ANXA8: variants seen among roughly 807,000 people sequenced by gnomAD.
The protein encoded by ANXA8 is annexin A8.
In ANXA8, 9 loss-of-function variants were observed where a neutral mutation model predicts 26.8. That is an observed-to-expected ratio of 0.34 (90% confidence interval 0.20 to 0.59). The LOEUF (loss-of-function observed/expected upper bound fraction) is 0.59, where lower values mean the gene tolerates loss of function less well. Ranked by LOEUF, ANXA8 falls within the 20% of genes least tolerant of loss-of-function variation. The pLI is 0.84. For synonymous variants in ANXA8, 39 were observed against 94.8 expected, an observed-to-expected ratio of 0.41 and a Z score of 3.42; for missense variants, 83 against 238.5, an observed-to-expected ratio of 0.35 and a Z score of 4.29.
the ANXA8 span, among the ~76,000 whole-genome samples, chr10:47,939,357 G>T: frequency 7.1e-6 from 1 of 141,326 alleles, no homozygotes; most frequent in African/African-American, 2.8e-5. Flanking sequence ...TGCGATTTGG[G>T]TCCTTGCAAT....
the ANXA8 span, among the ~76,000 whole-genome samples, chr10:47,694,903 T>C: frequency 6.6e-6 from 1 of 151,316 alleles, no homozygotes; most frequent in Non-Finnish European, 1.5e-5. Context: ...AACCACAGTG[T>C]TTAAAGGACA....
chr10:47,740,888 T>A, the ANXA8 span, among the ~76,000 whole-genome samples: 1 of 150,356 alleles, frequency 6.7e-6, no homozygotes, highest in African/African-American at 2.4e-5. Flanking sequence ...ATTGTCAGTT[T>A]ATTGGATAGG....
At chr10:47,596,890 C>T in the ANXA8 span, among the ~76,000 whole-genome samples, 1 of 147,804 alleles carries the variant, frequency 6.8e-6, no homozygotes, top group Non-Finnish European at 1.5e-5. Flanking sequence ...ATGAGAGATT[C>T]TCCTCTAACT....
the ANXA8 span, among the ~76,000 whole-genome samples, chr10:47,652,308 A>G: frequency 1.3e-4 from 20 of 151,876 alleles, 1 homozygote; most frequent in African/African-American, 4.9e-4. Flanking sequence ...CAATTAAAAA[A>G]AAGTATAGGC....
At chr10:47,708,830 CTAAA>C in the ANXA8 span, among the ~76,000 whole-genome samples, 1 of 150,270 alleles carries the variant, frequency 6.7e-6, no homozygotes, top group Non-Finnish European at 1.5e-5. Context: ...TTTTTGGAAT[CTAAA>C]TAACCATGTG....
chr10:47,506,539 G>A, the ANXA8 span, among the ~76,000 whole-genome samples: 6 of 141,040 alleles, frequency 4.3e-5, 1 homozygote, highest in East Asian at 2.9e-4. Context: ...CATGTTGGTC[G>A]GGCTGGTCTC....
chr10:47,670,649 T>C, the ANXA8 span, among the ~76,000 whole-genome samples: 1 of 151,944 alleles, frequency 6.6e-6, no homozygotes, highest in African/African-American at 2.4e-5. Context: ...TTGTTGGCCA[T>C]TTGTATATCT....
the ANXA8 span, among the ~76,000 whole-genome samples, chr10:47,676,099 G>A: frequency 6.6e-6 from 1 of 151,616 alleles, no homozygotes; most frequent in African/African-American, 2.4e-5. Context: ...CATAGCAGAA[G>A]AAAGAATCAG....
the ANXA8 span, among the ~76,000 whole-genome samples, chr10:47,605,893 C>T: frequency 4.3e-5 from 6 of 139,854 alleles, no homozygotes; most frequent in East Asian, 1.2e-3. Flanking sequence ...AAAATAGACA[C>T]TTAAAAAACT....
chr10:47,701,513 GC>G, the ANXA8 span, among the ~76,000 whole-genome samples: 3 of 151,810 alleles, frequency 2.0e-5, no homozygotes, highest in African/African-American at 7.3e-5. Context: ...TATGTACTAT[GC>G]AGCTGTACAA....
the ANXA8 span, among the ~76,000 whole-genome samples, chr10:47,971,062 C>T: frequency 1.3e-5 from 2 of 151,420 alleles, no homozygotes; most frequent in South Asian, 2.1e-4. Context: ...TACTTGCCCT[C>T]TCTGATTCTC....
At chr10:47,566,133 T>A in the ANXA8 span, 1 of 433,872 alleles carries the variant, frequency 2.3e-6, no homozygotes, top group East Asian at 3.6e-5. Flanking sequence ...CAGAAGTAAA[T>A]ATTTCGATTT....
At chr10:47,718,163 A>G in the ANXA8 span, among the ~76,000 whole-genome samples, 2 of 152,286 alleles carry the variant, frequency 1.3e-5, no homozygotes, top group Non-Finnish European at 2.9e-5. Flanking sequence ...TAAAAATCGA[A>G]ATTTTTTTTT....
the ANXA8 span, among the ~76,000 whole-genome samples, chr10:47,669,738 A>C: frequency 9.9e-5 from 15 of 152,066 alleles, no homozygotes; most frequent in African/African-American, 3.4e-4. Flanking sequence ...AAAAAACCCC[A>C]AAAACCTTAT....
At chr10:47,558,155 A>G in the ANXA8 span, among the ~76,000 whole-genome samples, 1 of 152,004 alleles carries the variant, frequency 6.6e-6, no homozygotes, top group African/African-American at 2.4e-5. Context: ...GTTTCTGTTC[A>G]GAATAGAAGG....
In ANXA8 at chr10:47,483,949, G is replaced by A; in HGVS notation, c.-16C>T. The A allele has an allele frequency of 6.2e-7, 1 of 1,611,688 alleles. No homozygotes were observed. Among genetic ancestry groups the A allele is most frequent in the African/African-American group, 1.3e-5 (1 of 74,728 alleles). On this transcript the variant is annotated 5_prime_UTR_variant, in exon 1 of 12. Transcript: ENST00000585281. ...ACCAGGCCATCTCTTTCACCTCGGG[G>A]GCACCTTTCCCAGGGAGATGAAGAG...
the ANXA8 span, among the ~76,000 whole-genome samples, chr10:47,543,883 C>T: frequency 1.4e-5 from 2 of 139,086 alleles, 1 homozygote; most frequent in African/African-American, 5.6e-5. Flanking sequence ...CCATAAGACA[C>T]CAGATGGGAG....
At chr10:47,978,135 A>T in the ANXA8 span, among the ~76,000 whole-genome samples, 1 of 152,236 alleles carries the variant, frequency 6.6e-6, no homozygotes, top group African/African-American at 2.4e-5. Flanking sequence ...TATCAAAACC[A>T]TTCAGGCAAG....
the ANXA8 span, among the ~76,000 whole-genome samples, chr10:47,699,377 G>A: frequency 6.9e-6 from 1 of 145,842 alleles, no homozygotes; most frequent in Admixed American, 6.8e-5. Context: ...AGAAAGAAGA[G>A]GCATTTGAAC....
Sources: gnomAD v4.1 joint callset for allele counts (sites outside exome capture counted in the v4.1 genomes callset) on GRCh38, gnomAD v4.1.1 for gene constraint, MANE v1.5 for transcripts, NCBI Gene and HGNC (gene_info 2026-07-23, HGNC 2026-07-21) for gene names.